Variants in NIBAN1 observed in about 807,000 individuals in gnomAD.
The protein encoded by NIBAN1 is protein Niban 1.
Under a neutral mutation model 75.1 loss-of-function variants are expected in NIBAN1, and 81 were observed. The observed-to-expected ratio is 1.08, with a 90% CI of 0.90 to 1.30. NIBAN1 has a LOEUF of 1.30. NIBAN1 is among the 50% of genes most tolerant of loss of function. NIBAN1 has a pLI of 0.00. For missense variants in NIBAN1, 1,133 were observed against 1,128.1 expected (o/e 1.00, Z -0.06); for synonymous variants, 436 against 424.8 (o/e 1.03, Z -0.32).
intron 5 of NIBAN1, among the ~76,000 whole-genome samples, chr1:184,873,652 T>C (rs1656165606): frequency 6.6e-6 from 1 of 152,226 alleles, no homozygotes. Context: ...CAAATCTCTT[T>C]CCTTTGTTGA....
At chr1:184,899,420 C>A in intron 1 of NIBAN1, 111 bp from the exon 2 acceptor site, 1 of 1,143,774 alleles carries the variant, frequency 8.7e-7, no homozygotes, top group Non-Finnish European at 1.2e-6. Flanking sequence ...CTCCAGTCAC[C>A]CCTGTTTCTA....
chr1:184,966,158 C>T (rs79775150), intron 1 of NIBAN1, among the ~76,000 whole-genome samples: 2,198 of 152,302 alleles, frequency 0.014, 47 homozygotes, highest in African/African-American at 0.048. Flanking sequence ...CATAGGTGTT[C>T]ATGCCTGTGT....
intron 3 of NIBAN1, 45 bp from the exon 4 acceptor site, chr1:184,890,267 T>C: frequency 4.2e-6 from 6 of 1,425,412 alleles, no homozygotes; most frequent in Non-Finnish European, 5.9e-6. Context: ...TTTCCCCATT[T>C]GATTTTTGGA....
chr1:184,900,685 G>A (rs1656930762), intron 1 of NIBAN1, among the ~76,000 whole-genome samples: 1 of 152,070 alleles, frequency 6.6e-6, no homozygotes, highest in South Asian at 2.1e-4. Flanking sequence ...AGAGAAGGAG[G>A]AATAGAGGGG....
chr1:184,895,678 C>T (rs189601772), intron 2 of NIBAN1, among the ~76,000 whole-genome samples: 1 of 152,002 alleles, frequency 6.6e-6, no homozygotes, highest in Non-Finnish European at 1.5e-5. Context: ...AGCATTGTAC[C>T]CAATAGGTAA....
chr1:184,858,077 C>G lies in NIBAN1; in HGVS notation c.602-26115G>C, dbSNP rs78326823. Among the ~76,000 whole-genome samples the G allele has an allele frequency of 5.6e-3, 852 of 152,070 alleles. 9 individuals carry two copies. The highest frequency in any genetic ancestry group is 0.02 in the African/African-American group (818 of 41,510). The stretch of plus-strand genomic sequence containing the variant: ...ATATTTGACTGCATAAAAATAGACA[C>G]CTTTGCATGGCAAAATATATCATAA... On this transcript the variant is annotated intron_variant, in intron 5 of 13. Transcript: ENST00000367511.
intron 8 of NIBAN1, among the ~76,000 whole-genome samples, chr1:184,819,455 G>A (rs1257912663): frequency 6.6e-6 from 1 of 152,078 alleles, no homozygotes; most frequent in Non-Finnish European, 1.5e-5. Flanking sequence ...TCACGAAGAA[G>A]AATGAAAAAA....
chr1:184,797,947 A>T (rs1027378054), intron 13 of NIBAN1, 132 bp downstream of exon 13: 17 of 485,102 alleles, frequency 3.5e-5, no homozygotes, highest in East Asian at 2.2e-4. Flanking sequence ...CCCTCTCCTC[A>T]CTGTCTGTCT....
At chr1:184,918,922 C>T (rs1335262163) in intron 1 of NIBAN1, among the ~76,000 whole-genome samples, 1 of 152,170 alleles carries the variant, frequency 6.6e-6, no homozygotes. Context: ...CATCCTCCAC[C>T]ATTGGAATAA....
At chr1:184,915,035 T>C (rs1471941753) in intron 1 of NIBAN1, among the ~76,000 whole-genome samples, 2 of 152,220 alleles carry the variant, frequency 1.3e-5, no homozygotes, top group Non-Finnish European at 2.9e-5. Context: ...TAACTTTCAT[T>C]TTAATAGCCA....
chr1:184,796,943 C>T (rs1051593877), intron 13 of NIBAN1, among the ~76,000 whole-genome samples: 1 of 152,166 alleles, frequency 6.6e-6, no homozygotes, highest in East Asian at 1.9e-4. Context: ...CTTGACCGAG[C>T]CCTTCCTTTG....
chr1:184,803,576 T>A lies in NIBAN1; in HGVS notation c.1554+9A>T, dbSNP rs1654105406. 4 of 1,609,888 alleles carry A rather than the reference T, an allele frequency of 2.5e-6. No individual in the cohort carries two copies. Among genetic ancestry groups the A allele is most frequent in the East Asian group, 2.2e-5 (1 of 44,874 alleles). ...AGAGCAAGCTCTTTAGGGTAACTCA[T>A]CCCCTTACTGGTTTGCATGTGGACG... On this transcript the variant is annotated intron_variant, in intron 12 of 13. Coordinates refer to ENST00000367511, the MANE Select transcript of NIBAN1 (RefSeq NM_052966.4).
intron 5 of NIBAN1, among the ~76,000 whole-genome samples, chr1:184,862,773 A>C (rs1301431232): frequency 6.6e-6 from 1 of 152,118 alleles, no homozygotes; most frequent in African/African-American, 2.4e-5. Flanking sequence ...CAGCAGCATT[A>C]ATTGGAAAAT....
intron 5 of NIBAN1, among the ~76,000 whole-genome samples, chr1:184,878,702 C>T (rs1273640982): frequency 6.6e-6 from 1 of 152,162 alleles, no homozygotes; most frequent in Non-Finnish European, 1.5e-5. Flanking sequence ...TTAATAGCAG[C>T]ATGTTTAAAA....
intron 1 of NIBAN1, among the ~76,000 whole-genome samples, chr1:184,949,076 T>G (rs1658297316): frequency 6.6e-6 from 1 of 152,180 alleles, no homozygotes. Context: ...TGGTGAGAGA[T>G]TTTCTTTTCT....
chr1:184,831,963 C>A lies in NIBAN1; in HGVS notation c.602-1G>T. On this transcript the variant is annotated splice_acceptor_variant, in intron 5 of 13. Transcript: ENST00000367511. LOFTEE classifies it high-confidence loss of function. Reference sequence around the variant, plus strand: ...TCAAATGTCATCTGCTTCATGTAATCTAAAGAAAAGAAGAAAGGGCATTCA... The same window carrying A: ...TCAAATGTCATCTGCTTCATGTAATATAAAGAAAAGAAGAAAGGGCATTCA... The A allele has an allele frequency of 6.2e-7, 1 of 1,610,554 alleles. No homozygotes were observed. The highest frequency in any genetic ancestry group is 1.1e-5 in the South Asian group (1 of 90,978).
rs1315533005 is a variant in NIBAN1, at chr1:184,894,101, C to A, written c.292G>T (p.Ala98Ser). 1 of 1,611,722 alleles carries A rather than the reference C, an allele frequency of 6.2e-7. No individual in the cohort carries two copies. Among genetic ancestry groups the A allele is most frequent in the Admixed American group, 1.7e-5 (1 of 59,658 alleles). The change falls in exon 3 of 14, where the codon GCT becomes TCT. Residue 98 changes from alanine to serine, a missense_variant. Coordinates refer to ENST00000367511, the MANE Select transcript of NIBAN1 (RefSeq NM_052966.4). Reference sequence around the variant, plus strand: ...TCTTTATTCTCATAGCTCTCCACAGCATAATCATTTTTAACTACAACGTAT... The same window carrying A: ...TCTTTATTCTCATAGCTCTCCACAGAATAATCATTTTTAACTACAACGTAT... ...ERYVVVKNDY[A>S]VESYENKEAY...
chr1:184,962,420 T>C (rs1358992116), intron 1 of NIBAN1, among the ~76,000 whole-genome samples: 1 of 152,200 alleles, frequency 6.6e-6, no homozygotes, highest in African/African-American at 2.4e-5. Flanking sequence ...TGGAAAAGGA[T>C]ATGTATAAAT....
intron 1 of NIBAN1, among the ~76,000 whole-genome samples, chr1:184,971,951 A>T (rs1009990468): frequency 7.2e-5 from 11 of 152,208 alleles, no homozygotes; most frequent in African/African-American, 2.7e-4. Context: ...CCTAAGAAAC[A>T]ATGTATTTTC....
Sources: gnomAD v4.1 joint callset for allele counts (sites outside exome capture counted in the v4.1 genomes callset) on GRCh38, gnomAD v4.1.1 for gene constraint, MANE v1.5 for transcripts, NCBI Gene and HGNC (gene_info 2026-07-23, HGNC 2026-07-21) for gene names.